The following RIN2 variants were observed in gnomAD, a reference collection of about 807,000 sequenced individuals.
RIN2 encodes the protein RAB5 interacting protein 2.
RIN2 carries 36 observed loss-of-function variants against 78.0 expected under a neutral mutation model. The ratio of observed to expected loss-of-function variants is 0.46; its 90% CI spans 0.35 to 0.61. The LOEUF is 0.61. RIN2 is among the 20% of genes least tolerant of loss of function. The pLI is 0.00. For synonymous variants in RIN2, 466 were observed against 466.8 expected, an observed-to-expected ratio of 1.00 and a Z score of 0.02; for missense variants, 1,087 against 1,159.7, an observed-to-expected ratio of 0.94 and a Z score of 0.91.
At chr20:19,908,599 T>G (rs1231192224) in intron 3 of RIN2, among the ~76,000 whole-genome samples, 2 of 152,148 alleles carry the variant, frequency 1.3e-5, no homozygotes, top group Non-Finnish European at 2.9e-5. Flanking sequence ...ATTCCCAGCA[T>G]GCAGGTTAAT....
intron 3 of RIN2, among the ~76,000 whole-genome samples, chr20:19,910,900 C>T (rs2039436980): frequency 6.6e-6 from 1 of 151,816 alleles, no homozygotes; most frequent in Admixed American, 6.6e-5. Flanking sequence ...TAATTCCAAA[C>T]TTCCAGAATA....
chr20:19,774,379 A>G (rs866394840), intron 1 of RIN2, among the ~76,000 whole-genome samples: 63 of 152,200 alleles, frequency 4.1e-4, no homozygotes, highest in African/African-American at 1.5e-3. Context: ...AACTGGGCAC[A>G]TAGTATTTTT....
rs2036112286 is a variant in RIN2 at position 19,827,005 on chromosome 20, C to T, written c.-37+27258C>T. Among the ~76,000 whole-genome samples the T allele has an allele frequency of 6.0e-5, 7 of 116,972 alleles. No individual in the cohort carries two copies. In the South Asian group the frequency reaches 1.1e-3, roughly 19 times the overall value. 76.7% of individuals were successfully genotyped at this position (116,972 alleles called of 152,430 possible). ...TTTTTTTTTTTTTGAGACAGAGTTTCGCTCTTGTTGCCCAGGCTGGAGTAC... is the reference window on the plus strand; with the variant it reads ...TTTTTTTTTTTTTGAGACAGAGTTTTGCTCTTGTTGCCCAGGCTGGAGTAC... On this transcript the variant is annotated intron_variant, in intron 2 of 12. Transcript: ENST00000255006.
rs976514716 is a variant in RIN2 at position 19,799,801 on chromosome 20, A to G, written c.-37+54A>G. 8.5e-5 allele frequency: 13 copies of G among 152,222 alleles called. No individual in the cohort carries two copies. In the East Asian group the frequency reaches 1.7e-3, roughly 20 times the overall value. The allele number at this position is 152,222 out of a possible 1,614,324, so 9.4% of individuals were successfully genotyped here. A position where few individuals can be genotyped will look rare whatever the true frequency, so the allele number is the denominator to read the frequency against. ...TGTGCGCCACCCCAGCGTTTTCTTC[A>G]TTTCCAAGCTCATCAGTGTGATTGG... On this transcript the variant is annotated intron_variant, in intron 2 of 12. Coordinates refer to ENST00000255006, the MANE Select transcript of RIN2 (RefSeq NM_018993.4).
chr20:19,982,947 T>A (rs2042506866), intron 9 of RIN2, among the ~76,000 whole-genome samples: 1 of 152,220 alleles, frequency 6.6e-6, no homozygotes, highest in South Asian at 2.1e-4. Context: ...CTGCCAGTGG[T>A]GATAACTGGC....
intron 1 of RIN2, among the ~76,000 whole-genome samples, chr20:19,779,308 ATCC>A (rs1384511099): frequency 1.3e-5 from 2 of 152,106 alleles, no homozygotes; most frequent in Non-Finnish European, 2.9e-5. Context: ...TAAAAAAAAA[ATCC>A]TCCTAATTAT....
intron 10 of RIN2, among the ~76,000 whole-genome samples, chr20:19,991,551 C>T (rs1342547770): frequency 6.6e-6 from 1 of 152,166 alleles, no homozygotes; most frequent in Non-Finnish European, 1.5e-5. Context: ...CCAAATGTCC[C>T]CTGGGGGACA....
chr20:19,971,219 G>A (rs773799710), intron 8 of RIN2, among the ~76,000 whole-genome samples: 8 of 151,522 alleles, frequency 5.3e-5, no homozygotes, highest in Admixed American at 1.3e-4. Flanking sequence ...GGGCATTGAC[G>A]GCACTTCTGT....
At chr20:19,856,456 C>A (rs578090749) in intron 2 of RIN2, among the ~76,000 whole-genome samples, 1 of 151,436 alleles carries the variant, frequency 6.6e-6, no homozygotes, top group South Asian at 2.1e-4. Context: ...TCGCTTGAGC[C>A]CAGGAGTTCA....
intron 3 of RIN2, among the ~76,000 whole-genome samples, chr20:19,924,926 A>G (rs1401686246): frequency 6.7e-6 from 1 of 149,184 alleles, no homozygotes; most frequent in Admixed American, 6.7e-5. Context: ...TTTAGTAGAG[A>G]TAGGGTTTCT....
At chr20:19,937,092 C>T (rs2040676416) in intron 4 of RIN2, among the ~76,000 whole-genome samples, 1 of 152,226 alleles carries the variant, frequency 6.6e-6, no homozygotes, top group Non-Finnish European at 1.5e-5. Context: ...AAAAGCTACA[C>T]AGTTTTGGCT....
chr20:19,870,116 C>T (rs1488413089), intron 2 of RIN2, among the ~76,000 whole-genome samples: 1 of 152,150 alleles, frequency 6.6e-6, no homozygotes, highest in Non-Finnish European at 1.5e-5. Context: ...CCCTTCACCA[C>T]TTACTGCACC....
intron 1 of RIN2, among the ~76,000 whole-genome samples, chr20:19,771,052 A>G (rs1276388476): frequency 6.6e-6 from 1 of 152,236 alleles, no homozygotes; most frequent in Non-Finnish European, 1.5e-5. Context: ...GGATATTGCA[A>G]AGGATACAGA....
chr20:19,841,640 G>C (rs1175931572), intron 2 of RIN2, among the ~76,000 whole-genome samples: 1 of 152,190 alleles, frequency 6.6e-6, no homozygotes. Flanking sequence ...AATCAGGGAA[G>C]GGAACTGGGA....
chr20:19,997,537 T>A (rs2146423515), intron 12 of RIN2, among the ~76,000 whole-genome samples: 1 of 152,270 alleles, frequency 6.6e-6, no homozygotes, highest in Admixed American at 6.5e-5. Context: ...GGTGGGCAGA[T>A]CACCTGAGGT....
intron 1 of RIN2, among the ~76,000 whole-genome samples, chr20:19,793,059 C>A (rs1380840934): frequency 1.3e-5 from 2 of 151,770 alleles, no homozygotes; most frequent in Non-Finnish European, 2.9e-5. Context: ...TATTGATGAC[C>A]TGTAAGGCTT....
intron 4 of RIN2, among the ~76,000 whole-genome samples, chr20:19,938,869 G>A (rs2040752160): frequency 6.6e-6 from 1 of 152,058 alleles, no homozygotes; most frequent in South Asian, 2.1e-4. Flanking sequence ...TGAGTCCAGA[G>A]GTTGGTAACC....
At position 19,818,743 on chromosome 20, in the gene RIN2, AGAAAG is replaced by A. The variant is rs751946217; in HGVS notation, c.-37+18997_-37+19001del. ...CGAGACTCCGTATCAAAAAAAAAAA[AGAAAG>A]AAAGAGAAAAAAAAAAAGAAAGTAA... is the stretch of plus-strand genomic sequence containing the variant. On this transcript the variant is annotated intron_variant, in intron 2 of 12. Coordinates refer to ENST00000255006, the MANE Select transcript of RIN2 (RefSeq NM_018993.4). Among the ~76,000 whole-genome samples, 21 of 137,292 alleles carry A rather than the reference AGAAAG, an allele frequency of 1.5e-4. No homozygotes were observed. In the South Asian group the frequency reaches 3.2e-3, roughly 21 times the overall value. 90.1% of individuals were successfully genotyped at this position (137,292 alleles called of 152,430 possible).
chr20:19,995,261 T>TAAA (rs74180976), intron 11 of RIN2, among the ~76,000 whole-genome samples: 1,226 of 122,546 alleles, frequency 0.01, 17 homozygotes, highest in African/African-American at 0.029. Context: ...GTTTTTTTTT[T>TAAA]AAAAAAAAAA....
Sources: allele counts gnomAD v4.1 joint callset (sites outside exome capture counted in the v4.1 genomes callset), GRCh38; gene constraint gnomAD v4.1.1; transcripts MANE v1.5; gene names NCBI Gene and HGNC (gene_info 2026-07-23, HGNC 2026-07-21).